Variants in THOC1 observed in about 807,000 individuals in gnomAD.
THOC1 encodes the protein THO complex subunit 1, also known as THO complex 1.
In THOC1, 29 loss-of-function variants were observed where a neutral mutation model predicts 97.3. The observed-to-expected ratio is 0.30, with a 90% CI of 0.22 to 0.41. The LOEUF is 0.41. Ranked by LOEUF, THOC1 falls within the 10% of genes least tolerant of loss-of-function variation. The pLI is 1.00. For missense variants in THOC1, 529 were observed against 761.9 expected, an observed-to-expected ratio of 0.69 and a Z score of 3.60; for synonymous variants, 255 against 257.0, an observed-to-expected ratio of 0.99 and a Z score of 0.07.
rs1482722659 is a variant in THOC1, at chr18:252,615, A to C, written c.604-3T>G. 6.2e-7 allele frequency: 1 copy of C among 1,603,774 alleles called. No homozygotes were observed. The highest frequency in any genetic ancestry group is 8.5e-7 in the Non-Finnish European group (1 of 1,175,474). ...CCTTCTTCTCTATCTTCAGTGTGCT[A>C]AATTGAAAAAAAAATGTATAGCCTG... On this transcript the variant is annotated splice_region_variant and splice_polypyrimidine_tract_variant and intron_variant, in intron 8 of 20. Coordinates refer to ENST00000261600, the MANE Select transcript of THOC1 (RefSeq NM_005131.3).
At position 242,944 on chromosome 18, in the gene THOC1, G is replaced by A. The variant is rs1183777490; in HGVS notation, c.918+3380C>T. On this transcript the variant is annotated intron_variant, in intron 11 of 20. Transcript: ENST00000261600. The surrounding 1 kb of genome is among the most constrained non-coding windows in gnomAD (Gnocchi z 4.5). ...ATGTTGCATATTTTCCATGATACAC[G>A]TAATGCATTACAAATATTTTCACTT... Among the ~76,000 whole-genome samples the A allele has an allele frequency of 6.6e-6, 1 of 152,046 alleles. No homozygotes were observed. The highest frequency in any genetic ancestry group is 2.4e-5 in the African/African-American group (1 of 41,386).
chr18:216,583 C>T lies in THOC1; in HGVS notation c.1505G>A (p.Arg502Gln), dbSNP rs775547853. Residue 502 changes from arginine to glutamine, a missense_variant, in exon 19 of 21, where the codon CGG (arginine) becomes CAG (glutamine). This residue lies in a region of THOC1 where 27 missense variants were observed against 80.6 expected (regional missense o/e 0.33). Coordinates refer to ENST00000261600, the MANE Select transcript of THOC1 (RefSeq NM_005131.3). ...TGGCTGGAAGAAGTGAGGGCTTCTCCGTGCTAATAGTCTCAGGGCTCTCCA... is the reference window on the plus strand; with the variant it reads ...TGGCTGGAAGAAGTGAGGGCTTCTCTGTGCTAATAGTCTCAGGGCTCTCCA... Reference protein sequence around the residue: ...YGWRALRLLARRSPHFFQPTN... With the variant: ...YGWRALRLLAQRSPHFFQPTN... The T allele has an allele frequency of 2.5e-6, 4 of 1,613,928 alleles. No individual in the cohort carries two copies. Among genetic ancestry groups the T allele is most frequent in the South Asian group, 1.1e-5 (1 of 91,080 alleles).
intron 9 of THOC1, among the ~76,000 whole-genome samples, chr18:251,153 A>G (rs1284056535): frequency 6.6e-6 from 1 of 152,204 alleles, no homozygotes; most frequent in Non-Finnish European, 1.5e-5. Context: ...TGTAGAGAGT[A>G]GGTGGCATTA....
Position 264,052 on chromosome 18 carries a change from G to C in THOC1, c.230C>G (p.Ser77Cys), listed in dbSNP as rs761747275. The C allele has an allele frequency of 1.2e-6, 2 of 1,612,460 alleles. No homozygotes were observed. Among genetic ancestry groups the C allele is most frequent in the Non-Finnish European group, 1.7e-6 (2 of 1,178,990 alleles). ...SSCENVLAII[S>C]LAIGGVTEGI... ...TTCAGTTACTCCCCCAATAGCAAGA[G>C]AAATAATAGCTAAAACGTTTTCACA... The change falls in exon 4 of 21, where the codon TCT becomes TGT. Residue 77 changes from serine to cysteine, a missense_variant. Ser to Cys is a moderately radical substitution (Grantham distance 112). Around this residue, in one of 8 missense-constraint regions of THOC1, gnomAD observed 114 missense variants for 97.4 expected, o/e 1.17. Transcript: ENST00000261600.
intron 11 of THOC1, among the ~76,000 whole-genome samples, chr18:227,889 A>C (rs986635507): frequency 2.6e-5 from 4 of 152,082 alleles, no homozygotes; most frequent in Non-Finnish European, 2.9e-5. Context: ...ATGCTACCTA[A>C]CACGCACAAG....
chr18:215,234 C>G (rs1411645467), intron 20 of THOC1, among the ~76,000 whole-genome samples, 195 bp downstream of exon 20: 2 of 152,246 alleles, frequency 1.3e-5, no homozygotes, highest in East Asian at 3.9e-4. Flanking sequence ...ACCATTACTT[C>G]CCAATTTTAT....
chr18:236,222 T>A (rs1334789501), intron 11 of THOC1, among the ~76,000 whole-genome samples: 1 of 152,178 alleles, frequency 6.6e-6, no homozygotes, highest in African/African-American at 2.4e-5. Context: ...CCATCTTCAA[T>A]TTATTAAATT....
chr18:216,700 C>A, intron 18 of THOC1, 67 bp from the exon 19 acceptor site: 1 of 1,524,110 alleles, frequency 6.6e-7, no homozygotes, highest in Non-Finnish European at 8.8e-7. Context: ...CTGCTCAGTT[C>A]TGCCATGTGT....
chr18:223,678 T>C (rs1347141323), intron 16 of THOC1, among the ~76,000 whole-genome samples, 173 bp from the exon 17 acceptor site: 1 of 152,220 alleles, frequency 6.6e-6, no homozygotes, highest in Non-Finnish European at 1.5e-5. Context: ...TTATTCTCTA[T>C]ATGAGCATAT....
At chr18:236,375 A>G in intron 11 of THOC1, among the ~76,000 whole-genome samples, 1 of 61,376 alleles carries the variant, frequency 1.6e-5, no homozygotes, top group Non-Finnish European at 3.0e-5. Flanking sequence ...TTTTTTTTTG[A>G]GACGGAGTCT....
intron 1 of THOC1, 66 bp from the exon 2 acceptor site, chr18:265,596 C>T (rs1014016938): frequency 1.6e-6 from 2 of 1,283,072 alleles, no homozygotes; most frequent in African/African-American, 3.0e-5. Context: ...AAAAATATAT[C>T]GTTCATTGAT....
At chr18:239,414 C>G (rs1911819352) in intron 11 of THOC1, among the ~76,000 whole-genome samples, 1 of 152,162 alleles carries the variant, frequency 6.6e-6, no homozygotes, top group African/African-American at 2.4e-5. Flanking sequence ...ACGCAATTCT[C>G]CTACCTCAGC....
intron 11 of THOC1, among the ~76,000 whole-genome samples, chr18:237,403 C>T (rs1911745358): frequency 6.6e-6 from 1 of 152,040 alleles, no homozygotes; most frequent in Admixed American, 6.6e-5. Flanking sequence ...GTGATCCACC[C>T]ACCTTGACCT....
chr18:247,313 T>G (rs925023097), intron 10 of THOC1, among the ~76,000 whole-genome samples: 2 of 152,206 alleles, frequency 1.3e-5, no homozygotes, highest in Non-Finnish European at 2.9e-5. Flanking sequence ...TATAACAAAT[T>G]CTTCTAAAAC....
At chr18:265,846 G>A (rs548433431) in intron 1 of THOC1, among the ~76,000 whole-genome samples, 2 of 151,244 alleles carry the variant, frequency 1.3e-5, no homozygotes, top group South Asian at 2.1e-4. Flanking sequence ...TTATTTGCCC[G>A]TTTTAGTTTT....
At chr18:224,779 C>T in intron 15 of THOC1, 145 bp downstream of exon 15, 1 of 680,768 alleles carries the variant, frequency 1.5e-6, no homozygotes, top group Admixed American at 2.9e-5. Flanking sequence ...TGGTTGTACT[C>T]TTACAAAGTT....
chr18:231,196 G>A (rs924260096), intron 11 of THOC1, among the ~76,000 whole-genome samples: 33 of 152,182 alleles, frequency 2.2e-4, no homozygotes, highest in Middle Eastern at 3.4e-3. Flanking sequence ...TGATCCTCCC[G>A]CCCTGGTCTC....
At chr18:222,994 C>T (rs1269790167) in intron 17 of THOC1, among the ~76,000 whole-genome samples, 5 of 152,032 alleles carry the variant, frequency 3.3e-5, no homozygotes, top group South Asian at 2.1e-4. Flanking sequence ...TCGTTTCTAA[C>T]TCTGCTCCTT....
Position 248,008 on chromosome 18 carries a change from T to C in THOC1, c.678-51A>G, listed in dbSNP as rs183507434. On this transcript the variant is annotated intron_variant, in intron 9 of 20. Transcript: ENST00000261600. Reference sequence around the variant, plus strand: ...TAAATCATTCAAATTCTTTTACAAATATCTAAATATTCTTAACTTAGCTTT... The same window carrying C: ...TAAATCATTCAAATTCTTTTACAAACATCTAAATATTCTTAACTTAGCTTT... 78 of 1,183,588 alleles carry C rather than the reference T, an allele frequency of 6.6e-5. No homozygotes were observed. The African/African-American group carries it at 1.1e-3, about 17-fold the overall frequency. 73.3% of individuals were successfully genotyped at this position (1,183,588 alleles called of 1,614,324 possible). A position where few individuals can be genotyped will look rare whatever the true frequency, so the allele number is the denominator to read the frequency against.
Sources: allele counts gnomAD v4.1 joint callset (sites outside exome capture counted in the v4.1 genomes callset), GRCh38; gene constraint gnomAD v4.1.1; regional missense constraint gnomAD v4.1.1; non-coding constraint Gnocchi (gnomAD v3.1); transcripts MANE v1.5; gene names NCBI Gene and HGNC (gene_info 2026-07-23, HGNC 2026-07-21).